Variants in BSPH1 observed in about 807,000 individuals in gnomAD.
BSPH1 encodes binder of sperm 1.
In BSPH1, 21 loss-of-function variants were observed where a neutral mutation model predicts 22.5. That is an observed-to-expected ratio of 0.93 (90% CI 0.66 to 1.35). BSPH1 has a LOEUF of 1.35. BSPH1 is among the 40% of genes most tolerant of loss of function. The pLI, the probability that BSPH1 is intolerant of heterozygous loss-of-function variation, is 0.00. For missense variants in BSPH1, 141 were observed against 154.2 expected, an observed-to-expected ratio of 0.91 and a Z score of 0.45; for synonymous variants, 42 against 53.6, an observed-to-expected ratio of 0.78 and a Z score of 0.95.
At chr19:47,984,317 CT>C (rs1459807001) in intron 1 of BSPH1, among the ~76,000 whole-genome samples, 1 of 151,044 alleles carries the variant, frequency 6.6e-6, no homozygotes, top group East Asian at 1.9e-4. Flanking sequence ...TTATACAAAA[CT>C]GGCTTTCTTT....
chr19:47,990,807 CACG>C (rs1969516139), intron 1 of BSPH1, among the ~76,000 whole-genome samples: 1 of 152,094 alleles, frequency 6.6e-6, no homozygotes, highest in South Asian at 2.1e-4. Context: ...TTACAGGCAA[CACG>C]ACTTTGGAAA....
At chr19:47,972,720 GGA>G (rs1294621337) in intron 5 of BSPH1, among the ~76,000 whole-genome samples, 1 of 151,144 alleles carries the variant, frequency 6.6e-6, no homozygotes, top group Non-Finnish European at 1.5e-5. Context: ...AAGCTGAGGT[GGA>G]GAGAGTGTTT....
chr19:47,967,886 G>T (rs1969273263), downstream of BSPH1, among the ~76,000 whole-genome samples: 1 of 152,138 alleles, frequency 6.6e-6, no homozygotes, highest in Admixed American at 6.5e-5. Flanking sequence ...CCATAGAAAG[G>T]ATATTGAAGG....
At chr19:47,990,174 A>T (rs35023525) in intron 1 of BSPH1, among the ~76,000 whole-genome samples, 31,190 of 150,166 alleles carry the variant, frequency 0.21, 3,489 homozygotes, top group Middle Eastern at 0.27. Context: ...GATGCTTGCA[A>T]GGGAGAGAGA....
Position 47,978,085 on chromosome 19 carries a change from C to A in BSPH1, c.125-581G>T, listed in dbSNP as rs373445157. ...ACATACATAATTTTTTGCTACCCTT[C>A]AAAATGAATCATATTTTATACTTGA... On this transcript the variant is annotated intron_variant, in intron 3 of 5. Transcript: ENST00000344839. Among the ~76,000 whole-genome samples, 48 of 146,900 alleles carry A rather than the reference C, an allele frequency of 3.3e-4. No homozygotes were observed. In the East Asian group the frequency reaches 9.6e-3, roughly 29 times the overall value.
chr19:47,979,645 G>C, intron 2 of BSPH1, 46 bp from the exon 3 acceptor site: 2 of 793,056 alleles, frequency 2.5e-6, no homozygotes, highest in Non-Finnish European at 3.9e-6. Context: ...CTATTATTAG[G>C]CTTTAAAATG....
At chr19:47,980,406 T>C (rs777379771) in intron 2 of BSPH1, 25 of 536,450 alleles carry the variant, frequency 4.7e-5, no homozygotes, top group Non-Finnish European at 5.7e-5. Flanking sequence ...TGAAGTTACA[T>C]GTAATGACAT....
intron 1 of BSPH1, among the ~76,000 whole-genome samples, chr19:47,991,779 C>T (rs1171555936): frequency 6.2e-5 from 6 of 97,460 alleles, no homozygotes; most frequent in Admixed American, 3.1e-4. Context: ...TCACCTCCTC[C>T]CCCCTTCTCC....
At chr19:47,988,159 C>T (rs1007058445) in intron 1 of BSPH1, among the ~76,000 whole-genome samples, 4 of 151,996 alleles carry the variant, frequency 2.6e-5, no homozygotes, top group Admixed American at 6.6e-5. Context: ...TGCACGATTC[C>T]ACTTGTATGA....
chr19:47,968,830 C>T (rs1969282607), intron 5 of BSPH1, among the ~76,000 whole-genome samples: 1 of 151,676 alleles, frequency 6.6e-6, no homozygotes, highest in South Asian at 2.1e-4. Flanking sequence ...GAAACCCCGT[C>T]TCTACTAAAA....
Position 47,974,071 on chromosome 19 carries a change from A to G in BSPH1, c.*2+2639T>C, listed in dbSNP as rs147692228. Among the ~76,000 whole-genome samples, 12 of 152,190 alleles carry G rather than the reference A, an allele frequency of 7.9e-5. 1 individual carries two copies. The highest frequency in any genetic ancestry group is 3.4e-3 in the Middle Eastern group (1 of 294). On this transcript the variant is annotated intron_variant, in intron 5 of 5. Transcript: ENST00000344839. ...GATTACAAACTCATGTTCCCCAGCC[A>G]TGCTGAGTGCTATCTGCATGCACCT...
intron 1 of BSPH1, among the ~76,000 whole-genome samples, chr19:47,984,421 T>C (rs766422228): frequency 6.6e-6 from 1 of 151,792 alleles, no homozygotes; most frequent in Non-Finnish European, 1.5e-5. Flanking sequence ...GCATCCCAAT[T>C]CTTTTCATTC....
At chr19:47,967,854 G>C (rs368526751), downstream of BSPH1, among the ~76,000 whole-genome samples, 2 of 152,112 alleles carry the variant, frequency 1.3e-5, no homozygotes, top group East Asian at 1.9e-4. Context: ...GTGTTGCTTG[G>C]AAATAGAAGT....
chr19:47,972,674 C>T (rs12459048), intron 5 of BSPH1, among the ~76,000 whole-genome samples: 2,214 of 152,122 alleles, frequency 0.015, 21 homozygotes, highest in Middle Eastern at 0.085. Flanking sequence ...AAATTCTTCA[C>T]AATGGTTACC....
At chr19:47,970,036 T>C (rs752977890) in intron 5 of BSPH1, among the ~76,000 whole-genome samples, 4 of 151,916 alleles carry the variant, frequency 2.6e-5, no homozygotes, top group East Asian at 1.9e-4. Context: ...AGAGAGACTT[T>C]AGAATTTATT....
At chr19:47,969,684 G>GGAGAGAGAGAGAGAGA (rs10589898) in intron 5 of BSPH1, among the ~76,000 whole-genome samples, 1,319 of 113,784 alleles carry the variant, frequency 0.012, 81 homozygotes, top group African/African-American at 0.029. Flanking sequence ...AGGGAGAGGG[G>GGAGAGAGAGAGAGAGA]GAGAGAGAGA....
rs562948725 is a variant in BSPH1, at chr19:47,968,073, A to T, written c.*139T>A. ...TGGAGAAAAAGAGTTTTATTTTATT[A>T]AGAAAATTGGGGGTTACTGTATATC... On this transcript the variant is annotated 3_prime_UTR_variant, in exon 6 of 6. Transcript: ENST00000344839. 6.6e-6 allele frequency: 1 copy of T among 152,220 alleles called. No individual in the cohort carries two copies. The highest frequency in any genetic ancestry group is 2.4e-5 in the African/African-American group (1 of 41,458). 9.4% of individuals were successfully genotyped at this position (152,220 alleles called of 1,614,324 possible). A position where few individuals can be genotyped will look rare whatever the true frequency, so the allele number is the denominator to read the frequency against.
intron 2 of BSPH1, chr19:47,980,369 A>T: frequency 4.2e-6 from 2 of 474,006 alleles, no homozygotes; most frequent in Non-Finnish European, 5.5e-6. Flanking sequence ...TTTCCAGAAT[A>T]CTTGATTTTT....
At chr19:47,979,510 C>T (rs1969398521) in intron 3 of BSPH1, 60 bp downstream of exon 3, 2 of 817,884 alleles carry the variant, frequency 2.4e-6, no homozygotes, top group African/African-American at 1.8e-5. Flanking sequence ...CTGATTTCCT[C>T]ACTTTTACAA....
Sources: gnomAD v4.1 joint callset for allele counts (sites outside exome capture counted in the v4.1 genomes callset) on GRCh38, gnomAD v4.1.1 for gene constraint, MANE v1.5 for transcripts, NCBI Gene and HGNC (gene_info 2026-07-23, HGNC 2026-07-21) for gene names.